Variants in CSMD1 observed in about 807,000 individuals in gnomAD.
CSMD1 encodes CUB and sushi domain-containing protein 1.
Under a neutral mutation model 417.5 loss-of-function variants are expected in CSMD1, and 213 were observed. The ratio of observed to expected loss-of-function variants is 0.51; its 90% CI spans 0.46 to 0.57. The LOEUF (loss-of-function observed/expected upper bound fraction) is 0.57, where lower values mean the gene tolerates loss of function less well. Ranked by LOEUF, CSMD1 falls within the 20% of genes least tolerant of loss-of-function variation. The pLI is 0.00. For synonymous variants in CSMD1, 2,862 were observed against 1,736.8 expected (o/e 1.65, Z -16.11); for missense variants, 6,923 against 4,529.7 (o/e 1.53, Z -15.17).
At chr8:4,215,467 A>G (rs1168712290) in intron 3 of CSMD1, among the ~76,000 whole-genome samples, 1 of 150,132 alleles carries the variant, frequency 6.7e-6, no homozygotes, top group Non-Finnish European at 1.5e-5. Context: ...TTACACTGAG[A>G]AAAGAATTTG....
At chr8:4,243,075 C>T (rs1472456998) in intron 3 of CSMD1, among the ~76,000 whole-genome samples, 2 of 152,026 alleles carry the variant, frequency 1.3e-5, no homozygotes, top group Admixed American at 6.5e-5. Context: ...TTTTTCCTTT[C>T]TTGCCATGAG....
At chr8:4,277,906 C>G (rs1273829951) in intron 3 of CSMD1, among the ~76,000 whole-genome samples, 2 of 151,984 alleles carry the variant, frequency 1.3e-5, no homozygotes, top group Admixed American at 6.6e-5. Context: ...CACCACCATC[C>G]CCGGCTAATT....
Position 4,627,460 on chromosome 8 carries a change from G to A in CSMD1, c.302+9882C>T, listed in dbSNP as rs137900394. ...GATACCTGAAGAAAAAAGAATAGAAGTAAATTAACAATTTTACTGATTCTT... is the reference window on the plus strand; with the variant it reads ...GATACCTGAAGAAAAAAGAATAGAAATAAATTAACAATTTTACTGATTCTT... On this transcript the variant is annotated intron_variant, in intron 2 of 69. Coordinates refer to ENST00000635120, the MANE Select transcript of CSMD1 (RefSeq NM_033225.6). Among the ~76,000 whole-genome samples, 263 of 152,182 alleles carry A rather than the reference G, an allele frequency of 1.7e-3. 2 individuals are homozygous for A. Among genetic ancestry groups the A allele is most frequent in the Non-Finnish European group, 2.9e-3 (197 of 67,988 alleles).
chr8:3,109,616 C>T (rs935144919), intron 43 of CSMD1, among the ~76,000 whole-genome samples: 1 of 152,138 alleles, frequency 6.6e-6, no homozygotes, highest in Non-Finnish European at 1.5e-5. Context: ...GGTGCATCCT[C>T]ACTGCCCCAA....
chr8:4,496,612 C>T (rs1563232711), intron 2 of CSMD1, among the ~76,000 whole-genome samples: 1 of 152,118 alleles, frequency 6.6e-6, no homozygotes, highest in Non-Finnish European at 1.5e-5. Flanking sequence ...ATTGTTATTC[C>T]TGGTTTGTTC....
chr8:3,425,017 T>A (rs1180876837), intron 12 of CSMD1, among the ~76,000 whole-genome samples: 1 of 152,110 alleles, frequency 6.6e-6, no homozygotes. Flanking sequence ...TTATTTTACT[T>A]TTGTAGAGAC....
At chr8:4,482,560 G>A (rs903060823) in intron 2 of CSMD1, among the ~76,000 whole-genome samples, 1 of 152,156 alleles carries the variant, frequency 6.6e-6, no homozygotes, top group Non-Finnish European at 1.5e-5. Context: ...GAACACACAT[G>A]TGCACGTGTC....
intron 12 of CSMD1, among the ~76,000 whole-genome samples, chr8:3,465,668 T>C (rs563397125): frequency 2.0e-5 from 3 of 152,326 alleles, no homozygotes; most frequent in East Asian, 3.9e-4. Flanking sequence ...CCTGATTTCT[T>C]GTCAAGGTTG....
Position 3,168,951 on chromosome 8 carries a change from T to C in CSMD1, c.5726-6674A>G, listed in dbSNP as rs145372675. ...TCTCTCTCTCTCAGGGGCTCACAAATTATATTAGCATTTTACTGGTGCAGA... is the reference window on the plus strand; with the variant it reads ...TCTCTCTCTCTCAGGGGCTCACAAACTATATTAGCATTTTACTGGTGCAGA... On this transcript the variant is annotated intron_variant, in intron 37 of 69. Coordinates refer to ENST00000635120, the MANE Select transcript of CSMD1 (RefSeq NM_033225.6). 7.7e-4 allele frequency among the ~76,000 whole-genome samples: 117 copies of C among 152,128 alleles called. No individual in the cohort carries two copies. The East Asian group carries it at 0.015, about 19-fold the overall frequency.
chr8:4,222,105 C>CA (rs11307752), intron 3 of CSMD1, among the ~76,000 whole-genome samples: 6,649 of 146,192 alleles, frequency 0.045, 174 homozygotes, highest in East Asian at 0.13. Context: ...ATCAAACCAA[C>CA]AAAAAAAAAA....
At chr8:3,323,837 T>C (rs201043122) in intron 23 of CSMD1, among the ~76,000 whole-genome samples, 14 of 140,080 alleles carry the variant, frequency 1.0e-4, no homozygotes, top group East Asian at 8.2e-4. Flanking sequence ...CCATTCATCA[T>C]TGTTAAAACA....
intron 2 of CSMD1, among the ~76,000 whole-genome samples, chr8:4,518,834 G>A (rs950680212): frequency 7.9e-5 from 12 of 151,928 alleles, no homozygotes; most frequent in Non-Finnish European, 1.5e-4. Context: ...GTAAATTATA[G>A]GAGATTATTC....
At chr8:3,157,817 T>C (rs948907469) in intron 39 of CSMD1, 80 bp downstream of exon 39, 27 of 1,167,494 alleles carry the variant, frequency 2.3e-5, no homozygotes, top group Admixed American at 6.3e-5. Context: ...TAGAAGTGCA[T>C]TCTTTGACCC....
At chr8:4,450,824 C>A (rs75762052) in intron 2 of CSMD1, among the ~76,000 whole-genome samples, 1 of 151,966 alleles carries the variant, frequency 6.6e-6, no homozygotes, top group African/African-American at 2.4e-5. Context: ...AAACATACTG[C>A]ACTTGTGAGT....
intron 3 of CSMD1, among the ~76,000 whole-genome samples, chr8:4,177,770 T>A (rs781400374): frequency 6.6e-6 from 1 of 151,548 alleles, no homozygotes; most frequent in African/African-American, 2.4e-5. Flanking sequence ...CCCACTGAAA[T>A]ACAAACTGCC....
chr8:3,725,300 C>G (rs568349639), intron 6 of CSMD1, among the ~76,000 whole-genome samples: 1 of 152,174 alleles, frequency 6.6e-6, no homozygotes, highest in Non-Finnish European at 1.5e-5. Context: ...AAGACCTGGA[C>G]AAGTGCTATT....
At chr8:3,563,319 T>A (rs1799552884) in intron 10 of CSMD1, among the ~76,000 whole-genome samples, 1 of 151,640 alleles carries the variant, frequency 6.6e-6, no homozygotes, top group Non-Finnish European at 1.5e-5. Context: ...TTGCTGAATA[T>A]AAAAGGTTTT....
intron 3 of CSMD1, among the ~76,000 whole-genome samples, chr8:4,177,471 G>C (rs562533577): frequency 5.1e-4 from 78 of 152,174 alleles, no homozygotes; most frequent in African/African-American, 1.7e-3. Flanking sequence ...GTCCACAAGA[G>C]AAAGTAGGAA....
At position 3,311,588 on chromosome 8, in the gene CSMD1, G is replaced by A. The variant is rs777456112; in HGVS notation, c.3632-3085C>T. ...TTACAAAACAAGCTTTATGCTAGAC[G>A]ATTTGTGCTAGTATTGAATACTGTA... On this transcript the variant is annotated intron_variant, in intron 23 of 69. Transcript: ENST00000635120. 4.6e-5 allele frequency among the ~76,000 whole-genome samples: 7 copies of A among 152,300 alleles called. No homozygotes were observed. In the East Asian group the frequency reaches 7.7e-4, roughly 17 times the overall value.
Sources: gnomAD v4.1 joint callset for allele counts (sites outside exome capture counted in the v4.1 genomes callset) on GRCh38, gnomAD v4.1.1 for gene constraint, MANE v1.5 for transcripts, NCBI Gene and HGNC (gene_info 2026-07-23, HGNC 2026-07-21) for gene names.